Variants in KLK1 observed in about 807,000 individuals in gnomAD.
KLK1 encodes the protein kallikrein-1.
Under a neutral mutation model 23.3 loss-of-function variants are expected in KLK1, and 22 were observed. The ratio of observed to expected loss-of-function variants is 0.95; its 90% CI spans 0.68 to 1.35. KLK1 has a LOEUF of 1.35. Ranked by LOEUF, KLK1 falls within the 40% of genes most tolerant of loss-of-function variation. KLK1 has a pLI of 0.00. For missense variants in KLK1, 301 were observed against 338.9 expected, an observed-to-expected ratio of 0.89 and a Z score of 0.88; for synonymous variants, 140 against 135.8, an observed-to-expected ratio of 1.03 and a Z score of -0.21.
intron 1 of KLK1, 53 bp downstream of exon 1, chr19:50,823,650 C>T: frequency 8.0e-7 from 1 of 1,243,972 alleles, no homozygotes; most frequent in Admixed American, 1.8e-5. Flanking sequence ...GGATGTGAGG[C>T]CAGCAAGAGA....
chr19:50,823,595 G>C, intron 1 of KLK1, 108 bp downstream of exon 1: 1 of 695,514 alleles, frequency 1.4e-6, no homozygotes, highest in South Asian at 2.0e-5. Flanking sequence ...CTGTGGGCCA[G>C]AGGGATGAGG....
rs2089831351 is a variant in KLK1, at chr19:50,821,974, G to GT, written c.47-104dup. ...CTGTGGGTCTGAAGGGACATTGCGGGTAGAGGACCAGGGCTGGAGGTTGGG... is the reference window on the plus strand; with the variant it reads ...CTGTGGGTCTGAAGGGACATTGCGGGTTAGAGGACCAGGGCTGGAGGTTGGG... On this transcript the variant is annotated intron_variant, in intron 1 of 4. Transcript: ENST00000301420. This position sits in a 1 kb window ranked among gnomAD's most constrained non-coding sequence, Gnocchi z 5.6. 10 of 1,480,538 alleles carry GT rather than the reference G, an allele frequency of 6.8e-6. No homozygotes were observed. The highest frequency in any genetic ancestry group is 2.4e-5 in the Admixed American group (1 of 41,006). 91.7% of individuals were successfully genotyped at this position (1,480,538 alleles called of 1,614,324 possible).
At chr19:50,823,102 C>A (rs3212820) in intron 1 of KLK1, 35,487 of 157,770 alleles carry the variant, frequency 0.22, 5,102 homozygotes, top group East Asian at 0.59. Context: ...AGACCCCCCC[C>A]CATACCAGAT....
At position 50,821,403 on chromosome 19, in the gene KLK1, C is replaced by T. The variant is rs905895104; in HGVS notation, c.206+309G>A. On this transcript the variant is annotated intron_variant, in intron 2 of 4. Transcript: ENST00000301420. This position sits in a 1 kb window ranked among gnomAD's most constrained non-coding sequence, Gnocchi z 5.6. ...GGGTGAGACACAGTGACAGAGATGC[C>T]GCAGAGAGACTCAGAGACAGACAGA... Among the ~76,000 whole-genome samples the T allele has an allele frequency of 5.9e-5, 9 of 152,042 alleles. No homozygotes were observed. Among genetic ancestry groups the T allele is most frequent in the South Asian group, 4.2e-4 (2 of 4,816 alleles).
Position 50,820,014 on chromosome 19 carries a change from T to A in KLK1, c.518A>T (p.Gln173Leu). 1 of 1,614,136 alleles carries A rather than the reference T, an allele frequency of 6.2e-7. No individual in the cohort carries two copies. Among genetic ancestry groups the A allele is most frequent in the Non-Finnish European group, 8.5e-7 (1 of 1,180,018 alleles). The change falls in exon 4 of 5, where the codon CAG (glutamine) becomes CTG (leucine). Residue 173 changes from glutamine (Q) to leucine (L), a missense_variant. By Grantham distance (113) the Gln-to-Leu change is moderately radical (BLOSUM62 -2). Transcript: ENST00000301420. ...PENFSFPDDL[Q>L]CVDLKILPND... Reference sequence around the variant, plus strand: ...AGGCAGGATTTTGAGGTCCACACACTGGAGATCATCTGGAAATGAGACTAC... The same window carrying A: ...AGGCAGGATTTTGAGGTCCACACACAGGAGATCATCTGGAAATGAGACTAC...
rs1001436730 is a variant in KLK1 at position 50,821,113 on chromosome 19, G to A, written c.206+599C>T. Among the ~76,000 whole-genome samples, 6 of 152,084 alleles carry A rather than the reference G, an allele frequency of 3.9e-5. No individual in the cohort carries two copies. Among genetic ancestry groups the A allele is most frequent in the African/African-American group, 1.4e-4 (6 of 41,410 alleles). ...CACCCTCCCGCGCGTTTCTCGCCCC[G>A]CCTCCTCCTTCCTCCTCCCTCAGTT... On this transcript the variant is annotated intron_variant, in intron 2 of 4. Transcript: ENST00000301420. The surrounding 1 kb of genome is among the most constrained non-coding windows in gnomAD (Gnocchi z 5.6).
At chr19:50,823,517 G>A (rs983808231) in intron 1 of KLK1, among the ~76,000 whole-genome samples, 186 bp downstream of exon 1, 1 of 152,024 alleles carries the variant, frequency 6.6e-6, no homozygotes, top group Non-Finnish European at 1.5e-5. Context: ...ATGGAGGAGC[G>A]GGGGTGGAAG....
rs2089829034 is a variant in KLK1, at chr19:50,821,652, G to A, written c.206+60C>T. On this transcript the variant is annotated intron_variant, in intron 2 of 4. Transcript: ENST00000301420. This position sits in a 1 kb window ranked among gnomAD's most constrained non-coding sequence, Gnocchi z 5.6. ...GAGGTTATCCAAGGGGAATGCCACT[G>A]GCCTGTCAATCCTGTGGCAGCATAG... 2.0e-6 allele frequency: 3 copies of A among 1,508,106 alleles called. No individual in the cohort carries two copies. Among genetic ancestry groups the A allele is most frequent in the Middle Eastern group, 2.2e-4 (1 of 4,624 alleles). The allele number at this position is 1,508,106 out of a possible 1,614,324, so 93.4% of individuals were successfully genotyped here.
intron 2 of KLK1, 73 bp from the exon 3 acceptor site, chr19:50,820,516 G>GGGGC: frequency 2.1e-6 from 1 of 483,978 alleles, no homozygotes. Context: ...GAGCATGGGG[G>GGGGC]AGGGTCCCCA....
At position 50,821,098 on chromosome 19, in the gene KLK1, C is replaced by T. The variant is rs1024133642; in HGVS notation, c.206+614G>A. ...CCCTTCCCTTCCCAGCACCCTCCCG[C>T]GCGTTTCTCGCCCCGCCTCCTCCTT... On this transcript the variant is annotated intron_variant, in intron 2 of 4. Coordinates refer to ENST00000301420, the MANE Select transcript of KLK1 (RefSeq NM_002257.4). The surrounding 1 kb of genome is among the most constrained non-coding windows in gnomAD (Gnocchi z 5.6). Among the ~76,000 whole-genome samples the T allele has an allele frequency of 2.6e-5, 4 of 152,148 alleles. No individual in the cohort carries two copies. The highest frequency in any genetic ancestry group is 5.9e-5 in the Non-Finnish European group (4 of 68,020).
intron 1 of KLK1, 192 bp from the exon 2 acceptor site, chr19:50,822,063 G>A (rs1373826296): frequency 9.6e-6 from 13 of 1,360,410 alleles, no homozygotes; most frequent in Non-Finnish European, 1.1e-5. Context: ...TTTTGGAGTG[G>A]TGGCTGGACC....
intron 4 of KLK1, 76 bp from the exon 5 acceptor site, chr19:50,819,425 C>G: frequency 7.0e-7 from 1 of 1,433,422 alleles, no homozygotes; most frequent in South Asian, 1.3e-5. Context: ...CCCCAGCTCG[C>G]AGACAGGGCC....
intron 1 of KLK1, chr19:50,822,454 T>C: frequency 1.0e-6 from 1 of 985,058 alleles, no homozygotes; most frequent in Non-Finnish European, 1.2e-6. Flanking sequence ...TACATTGGGG[T>C]TGGAAGGGGC....
chr19:50,822,059 A>T, intron 1 of KLK1, 188 bp from the exon 2 acceptor site: 4 of 1,361,476 alleles, frequency 2.9e-6, no homozygotes, highest in Non-Finnish European at 2.8e-6. Flanking sequence ...GGGCTTTTGG[A>T]GTGGTGGCTG....
At position 50,819,192 on chromosome 19, in the gene KLK1, G is replaced by A. The variant is rs552475015; in HGVS notation, c.*2C>T. On this transcript the variant is annotated 3_prime_UTR_variant, in exon 5 of 5. Coordinates refer to ENST00000301420, the MANE Select transcript of KLK1 (RefSeq NM_002257.4). ...CTGGGGGTAGGGGACAGGGCTGGGCGTTCAGGAGTTCTCCGCTATGGTGTC... is the reference window on the plus strand; with the variant it reads ...CTGGGGGTAGGGGACAGGGCTGGGCATTCAGGAGTTCTCCGCTATGGTGTC... 74 of 1,610,422 alleles carry A rather than the reference G, an allele frequency of 4.6e-5. No homozygotes were observed. The African/African-American group carries it at 4.9e-4, about 11-fold the overall frequency.
intron 1 of KLK1, 172 bp from the exon 2 acceptor site, chr19:50,822,043 T>G: frequency 1.5e-6 from 2 of 1,377,324 alleles, no homozygotes; most frequent in Non-Finnish European, 9.4e-7. Context: ...CTCTGGACTG[T>G]TCCCTGGGCT....
rs1458799759 is a variant in KLK1, at chr19:50,821,274, T to A, written c.206+438A>T. 6.6e-6 allele frequency among the ~76,000 whole-genome samples: 1 copy of A among 152,100 alleles called. No homozygotes were observed. The highest frequency in any genetic ancestry group is 2.4e-5 in the African/African-American group (1 of 41,414). On this transcript the variant is annotated intron_variant, in intron 2 of 4. Transcript: ENST00000301420. The surrounding 1 kb of genome is among the most constrained non-coding windows in gnomAD (Gnocchi z 5.6). ...CACAAGTTGGGGATAAAGCCCTTCC[T>A]TTACTCTGGGGCCTCCCTTAGGTCC...
At position 50,820,401 on chromosome 19, in the gene KLK1, G is replaced by A. The variant is rs369186799; in HGVS notation, c.249C>T (p.Asp83=). The change falls in exon 3 of 5, where the codon GAC becomes GAT. Residue 83 remains aspartate, a synonymous_variant. Coordinates refer to ENST00000301420, the MANE Select transcript of KLK1 (RefSeq NM_002257.4). ...LWLGRHNLFD[D]ENTAQFVHVS... is the part of the protein sequence containing the mutation. ...CATGAACAAACTGGGCTGTGTTTTCGTCGTCAAACAAGTTGTGGCGACCCA... is the reference window on the plus strand; with the variant it reads ...CATGAACAAACTGGGCTGTGTTTTCATCGTCAAACAAGTTGTGGCGACCCA... The A allele has an allele frequency of 3.8e-5, 61 of 1,611,676 alleles. No individual in the cohort carries two copies. The highest frequency in any genetic ancestry group is 4.8e-5 in the Non-Finnish European group (57 of 1,178,924).
chr19:50,822,184 G>T (rs892825158), intron 1 of KLK1: 2 of 1,065,746 alleles, frequency 1.9e-6, no homozygotes, highest in Non-Finnish European at 2.3e-6. Context: ...GTCATTTGGG[G>T]TCTGGGGCTG....
Sources: allele counts gnomAD v4.1 joint callset (sites outside exome capture counted in the v4.1 genomes callset), GRCh38; gene constraint gnomAD v4.1.1; non-coding constraint Gnocchi (gnomAD v3.1); transcripts MANE v1.5; gene names NCBI Gene and HGNC (gene_info 2026-07-23, HGNC 2026-07-21).